The following UBAP2L variants were observed in gnomAD, a reference collection of about 807,000 sequenced individuals.
UBAP2L encodes ubiquitin-associated protein 2-like.
UBAP2L carries 12 observed loss-of-function variants against 130.6 expected under a neutral mutation model. The ratio of observed to expected loss-of-function variants is 0.09; its 90% CI spans 0.06 to 0.15. UBAP2L has a LOEUF of 0.15. UBAP2L is among the 10% of genes least tolerant of loss of function. The pLI is 1.00. For missense variants in UBAP2L, 965 were observed against 1,332.5 expected (o/e 0.72, Z 4.29); for synonymous variants, 503 against 524.7 (o/e 0.96, Z 0.57).
At chr1:154,267,585 A>G (rs1237240928) in intron 25 of UBAP2L, among the ~76,000 whole-genome samples, 3 of 150,110 alleles carry the variant, frequency 2.0e-5, no homozygotes, top group Non-Finnish European at 4.4e-5. Context: ...CCTTCTGAGT[A>G]GCTGGGGCTA....
chr1:154,235,363 T>A, intron 6 of UBAP2L, 72 bp downstream of exon 6: 1 of 659,110 alleles, frequency 1.5e-6, no homozygotes, highest in Non-Finnish European at 2.7e-6. Flanking sequence ...GCTTTATTTT[T>A]TTTTTTTATT....
intron 14 of UBAP2L, among the ~76,000 whole-genome samples, chr1:154,253,383 A>ATTTTTTT (rs1173992099): frequency 8.1e-6 from 1 of 123,778 alleles, no homozygotes; most frequent in Non-Finnish European, 1.7e-5. Context: ...TGTTTTTAAG[A>ATTTTTTT]TTTTTTTTTT....
chr1:154,261,549 TCTG>T, intron 23 of UBAP2L, 40 bp from the exon 24 acceptor site: 1 of 1,588,472 alleles, frequency 6.3e-7, no homozygotes, highest in Non-Finnish European at 8.6e-7. Context: ...CAGATGGTAT[TCTG>T]CTGCCAAGTC....
intron 24 of UBAP2L, among the ~76,000 whole-genome samples, chr1:154,264,926 TACTC>T (rs1682771509): frequency 6.6e-6 from 1 of 152,222 alleles, no homozygotes; most frequent in Non-Finnish European, 1.5e-5. Flanking sequence ...TTATGCCTGT[TACTC>T]AGTGATTTGC....
In UBAP2L at chr1:154,267,005, T is replaced by G. The variant is rs190820516; in HGVS notation, c.2970+437T>G. 1.3e-4 allele frequency among the ~76,000 whole-genome samples: 20 copies of G among 152,214 alleles called. No individual in the cohort carries two copies. In the East Asian group the frequency reaches 3.5e-3, roughly 26 times the overall value. ...TGAAGCATTTGAGTGATCCACAGGT[T>G]TGTTATGTTGCTTTTATCCCCCATC... On this transcript the variant is annotated intron_variant, in intron 25 of 26. Coordinates refer to ENST00000428931, the MANE Select transcript of UBAP2L (RefSeq NM_014847.4).
intron 15 of UBAP2L, 116 bp from the exon 16 acceptor site, chr1:154,254,720 T>G (rs1679033214): frequency 1.8e-6 from 2 of 1,129,050 alleles, no homozygotes; most frequent in Non-Finnish European, 1.3e-6. Context: ...TTTGGTTAAT[T>G]TACAGAGTTT....
At chr1:154,227,183 G>GGAAAAAAAA in intron 2 of UBAP2L, 99 bp from the exon 3 acceptor site, 1 of 1,007,578 alleles carries the variant, frequency 9.9e-7, no homozygotes. Context: ...TTGTTACAAG[G>GGAAAAAAAA]AAAAGAAAAT....
chr1:154,242,928 TTTTA>T, intron 9 of UBAP2L: 1 of 192,724 alleles, frequency 5.2e-6, no homozygotes, highest in Non-Finnish European at 1.1e-5. Context: ...ATTTTCTTTC[TTTTA>T]TTTTTTTTTT....
At chr1:154,222,100 ATTG>A (rs1337675224) in intron 1 of UBAP2L, among the ~76,000 whole-genome samples, 2 of 152,084 alleles carry the variant, frequency 1.3e-5, no homozygotes, top group Non-Finnish European at 2.9e-5. Context: ...TTTTGTTATT[ATTG>A]TTAACGTTTT....
chr1:154,255,355 G>T (rs757055370), intron 17 of UBAP2L, 29 bp downstream of exon 17: 1 of 1,610,156 alleles, frequency 6.2e-7, no homozygotes, highest in South Asian at 1.1e-5. Context: ...GGAGGTTGGG[G>T]TTGGTGAATA....
At chr1:154,227,243 C>G (rs749493580) in intron 2 of UBAP2L, 39 bp from the exon 3 acceptor site, 14 of 1,572,052 alleles carry the variant, frequency 8.9e-6, no homozygotes, top group Non-Finnish European at 1.2e-5. Flanking sequence ...AAACTGTTGC[C>G]TCATGATTAT....
intron 24 of UBAP2L, chr1:154,262,955 C>A (rs1196704698): frequency 6.8e-6 from 5 of 730,242 alleles, no homozygotes; most frequent in Non-Finnish European, 8.6e-6. Context: ...AGAGAATTGG[C>A]ATACCTGATT....
chr1:154,254,768 G>C, intron 15 of UBAP2L, 68 bp from the exon 16 acceptor site: 1 of 1,521,856 alleles, frequency 6.6e-7, no homozygotes, highest in Non-Finnish European at 8.9e-7. Flanking sequence ...AGCTGCATCA[G>C]TGCTAACTTT....
chr1:154,221,595 T>C (rs1399621101), intron 1 of UBAP2L, among the ~76,000 whole-genome samples: 1 of 152,090 alleles, frequency 6.6e-6, no homozygotes, highest in Admixed American at 6.5e-5. Flanking sequence ...TTGTTCCGGC[T>C]GGGAGGTAGG....
chr1:154,249,376 C>T lies in UBAP2L; in HGVS notation c.1152C>T (p.Ser384=). 6.2e-7 allele frequency: 1 copy of T among 1,614,188 alleles called. No individual in the cohort carries two copies. Among genetic ancestry groups the T allele is most frequent in the Non-Finnish European group, 8.5e-7 (1 of 1,180,044 alleles). Residue 384 remains serine, a synonymous_variant, in exon 12 of 27, where the codon AGC becomes AGT. Coordinates refer to ENST00000428931, the MANE Select transcript of UBAP2L (RefSeq NM_014847.4). The part of the protein sequence containing the change: ...QLAAQHSQSG[S]TTTSSWDMGS... Reference sequence around the variant, plus strand: ...CAGCTCAGCATTCTCAGTCTGGAAGCACCACCACCTCCTCTTGGGACATGG... The same window carrying T: ...CAGCTCAGCATTCTCAGTCTGGAAGTACCACCACCTCCTCTTGGGACATGG...
At chr1:154,255,568 C>T in intron 17 of UBAP2L, 115 bp from the exon 18 acceptor site, 2 of 1,304,020 alleles carry the variant, frequency 1.5e-6, no homozygotes, top group South Asian at 1.2e-5. Context: ...CATATGATCT[C>T]AGACCTCCTT....
chr1:154,227,433 T>A, intron 3 of UBAP2L, 74 bp downstream of exon 3: 1 of 1,314,296 alleles, frequency 7.6e-7, no homozygotes, highest in Non-Finnish European at 1.1e-6. Flanking sequence ...ATACTGTAGA[T>A]GGATGCCAGG....
intron 3 of UBAP2L, among the ~76,000 whole-genome samples, chr1:154,227,714 T>C (rs1668449086): frequency 6.6e-6 from 1 of 151,364 alleles, no homozygotes; most frequent in Non-Finnish European, 1.5e-5. Context: ...GCCTGGCTAA[T>C]TTTTTGTATT....
chr1:154,221,031 G>A, intron 1 of UBAP2L, 56 bp downstream of exon 1: 1 of 207,488 alleles, frequency 4.8e-6, no homozygotes, highest in South Asian at 5.3e-5. Flanking sequence ...CGGCAGCGCG[G>A]CGGGGCCGGG....
Sources: allele counts gnomAD v4.1 joint callset (sites outside exome capture counted in the v4.1 genomes callset), GRCh38; gene constraint gnomAD v4.1.1; transcripts MANE v1.5; gene names NCBI Gene and HGNC (gene_info 2026-07-23, HGNC 2026-07-21).